HBS1L: variants seen among roughly 807,000 people sequenced by gnomAD.
HBS1L encodes HBS1-like protein.
HBS1L carries 55 observed loss-of-function variants against 88.9 expected under a neutral mutation model. The ratio of observed to expected loss-of-function variants is 0.62; its 90% CI spans 0.50 to 0.77. HBS1L has a LOEUF of 0.77. Among genes scored for constraint, HBS1L ranks in the 30% least tolerant of loss-of-function variants. The probability of loss-of-function intolerance (pLI) is 0.00; values close to 1 mark genes in which losing one functional copy is unlikely to be tolerated. For missense variants in HBS1L, 741 were observed against 829.3 expected, an observed-to-expected ratio of 0.89 and a Z score of 1.31; for synonymous variants, 267 against 288.5, an observed-to-expected ratio of 0.93 and a Z score of 0.76.
chr6:135,029,665 T>C (rs187192008), intron 4 of HBS1L, among the ~76,000 whole-genome samples: 1 of 152,232 alleles, frequency 6.6e-6, no homozygotes, highest in African/African-American at 2.4e-5. Flanking sequence ...TTCAAGTATA[T>C]AAACTCAATT....
At chr6:134,987,305 A>G (rs1321137810) in intron 9 of HBS1L, among the ~76,000 whole-genome samples, 3 of 152,172 alleles carry the variant, frequency 2.0e-5, no homozygotes, top group African/African-American at 7.2e-5. Context: ...TTGGATGAAT[A>G]TACAAAATGA....
chr6:134,968,971 T>C (rs1033689981), intron 16 of HBS1L, among the ~76,000 whole-genome samples: 2 of 152,196 alleles, frequency 1.3e-5, no homozygotes, highest in Non-Finnish European at 2.9e-5. Context: ...TGTACATACA[T>C]ATATAAGTTT....
rs777169723 is a variant in HBS1L at position 134,978,759 on chromosome 6, C to T, written c.1717G>A (p.Val573Ile). The T allele has an allele frequency of 6.2e-7, 1 of 1,607,384 alleles. No homozygotes were observed. The highest frequency in any genetic ancestry group is 8.5e-7 in the Non-Finnish European group (1 of 1,176,678). The change falls in exon 15 of 18, where the codon GTA becomes ATA. Residue 573 changes from valine to isoleucine, a missense_variant. By Grantham distance (29) the Val-to-Ile change is conservative. Transcript: ENST00000367837. Reference protein sequence around the residue: ...NVGCIFCGPKVPIKACTRFRA... With the variant: ...NVGCIFCGPKIPIKACTRFRA... The stretch of plus-strand genomic sequence containing the variant: ...AAACGAGTGCAAGCTTTAATGGGTA[C>T]TTTGGGGCCACAAAATATGCAGCCA...
At chr6:135,023,191 TC>T (rs1310005167) in intron 4 of HBS1L, among the ~76,000 whole-genome samples, 3 of 151,884 alleles carry the variant, frequency 2.0e-5, no homozygotes, top group Non-Finnish European at 4.4e-5. Context: ...ACGCCTATAA[TC>T]CCAGCACTTT....
intron 13 of HBS1L, among the ~76,000 whole-genome samples, chr6:134,981,289 C>T (rs1473164743): frequency 1.3e-5 from 2 of 151,936 alleles, no homozygotes; most frequent in Non-Finnish European, 2.9e-5. Flanking sequence ...GAGACCTGTA[C>T]TTGCACACAA....
chr6:134,995,866 G>A (rs1381556219), intron 7 of HBS1L, among the ~76,000 whole-genome samples: 1 of 151,960 alleles, frequency 6.6e-6, no homozygotes, highest in East Asian at 1.9e-4. Context: ...TACAAATTCT[G>A]GTTTATCAGA....
chr6:135,052,439 G>A (rs1777115367), intron 1 of HBS1L, among the ~76,000 whole-genome samples: 2 of 151,984 alleles, frequency 1.3e-5, no homozygotes, highest in South Asian at 4.1e-4. Context: ...GGGCATGGGG[G>A]CACATGCCTG....
chr6:135,022,943 G>T (rs1776114107), intron 4 of HBS1L, among the ~76,000 whole-genome samples: 1 of 150,662 alleles, frequency 6.6e-6, no homozygotes, highest in African/African-American at 2.4e-5. Context: ...AAAAGAGGTT[G>T]CATCTCCTCA....
rs1223898875 is a variant in HBS1L, at chr6:135,036,950, G to A, written c.430+2623C>T. On this transcript the variant is annotated intron_variant, in intron 4 of 17. Coordinates refer to ENST00000367837, the MANE Select transcript of HBS1L (RefSeq NM_006620.4). The stretch of plus-strand genomic sequence containing the variant: ...ATGGATGGGTCTACTACAGGCTTTG[G>A]AACAAAATCTGGGTTTTTTATAAGG... 5.2e-6 allele frequency: 8 copies of A among 1,551,282 alleles called. No homozygotes were observed. In the Admixed American group the frequency reaches 1.6e-4, roughly 30 times the overall value.
chr6:135,043,101 C>T (rs1158570875), intron 2 of HBS1L, among the ~76,000 whole-genome samples: 1 of 152,180 alleles, frequency 6.6e-6, no homozygotes, highest in Non-Finnish European at 1.5e-5. Flanking sequence ...ATCTAAATGC[C>T]AATACATGCC....
intron 4 of HBS1L, among the ~76,000 whole-genome samples, chr6:135,007,946 G>C (rs1775660057): frequency 6.6e-6 from 1 of 152,168 alleles, no homozygotes; most frequent in Non-Finnish European, 1.5e-5. Context: ...TACGGCTTAA[G>C]CAGTTCATTT....
At chr6:134,994,024 C>G (rs1309048427) in intron 7 of HBS1L, 149 bp from the exon 8 acceptor site, 4 of 416,970 alleles carry the variant, frequency 9.6e-6, no homozygotes, top group African/African-American at 8.1e-5. Flanking sequence ...AATTATCAAT[C>G]GGGGCTGGAA....
At position 135,044,464 on chromosome 6, in the gene HBS1L, C is replaced by T. The variant is rs540871632; in HGVS notation, c.110-2338G>A. 5.3e-5 allele frequency among the ~76,000 whole-genome samples: 8 copies of T among 152,244 alleles called. No homozygotes were observed. The South Asian group carries it at 1.5e-3, about 28-fold the overall frequency. ...GATAACAACACTGGTATAAGGTCAG[C>T]ATGGCTAAATAGCAGAAGAGACATC... On this transcript the variant is annotated intron_variant, in intron 2 of 17. Transcript: ENST00000367837.
At chr6:135,049,597 G>A (rs1777016144) in intron 2 of HBS1L, among the ~76,000 whole-genome samples, 2 of 151,840 alleles carry the variant, frequency 1.3e-5, no homozygotes, top group Non-Finnish European at 2.9e-5. Context: ...TTGAGATGGA[G>A]TTTAGCTTTT....
intron 4 of HBS1L, chr6:135,037,444 A>C (rs1310875494): frequency 1.3e-6 from 2 of 1,549,512 alleles, no homozygotes; most frequent in Non-Finnish European, 8.7e-7. Flanking sequence ...ACTAGCATTT[A>C]AATTATCAAC....
chr6:135,044,778 T>C (rs1265754223), intron 2 of HBS1L, among the ~76,000 whole-genome samples: 1 of 152,120 alleles, frequency 6.6e-6, no homozygotes, highest in Non-Finnish European at 1.5e-5. Flanking sequence ...CAACTTCTCC[T>C]CCTACCCATG....
intron 4 of HBS1L, chr6:135,037,649 A>G (rs1562311989): frequency 6.5e-7 from 1 of 1,549,860 alleles, no homozygotes. Context: ...TTGGAAATGC[A>G]TTCAGATGCA....
intron 4 of HBS1L, among the ~76,000 whole-genome samples, chr6:135,029,733 G>A (rs947192127): frequency 1.2e-4 from 18 of 152,042 alleles, no homozygotes; most frequent in African/African-American, 4.3e-4. Context: ...CACTTAAAAT[G>A]TTCATCAATA....
chr6:135,033,048 A>G (rs1427123002), intron 4 of HBS1L, among the ~76,000 whole-genome samples: 1 of 152,198 alleles, frequency 6.6e-6, no homozygotes, highest in Admixed American at 6.5e-5. Flanking sequence ...TAGAATGCAA[A>G]AGGACAAAAC....
Sources: allele counts gnomAD v4.1 joint callset (sites outside exome capture counted in the v4.1 genomes callset), GRCh38; gene constraint gnomAD v4.1.1; transcripts MANE v1.5; gene names NCBI Gene and HGNC (gene_info 2026-07-23, HGNC 2026-07-21).